The following PRSS2 variants were observed in gnomAD, a reference collection of about 807,000 sequenced individuals.
PRSS2 encodes trypsin-2.
PRSS2 carries 19 observed loss-of-function variants against 19.2 expected under a neutral mutation model. That is an observed-to-expected ratio of 0.99 (90% CI 0.69 to 1.45). The LOEUF is 1.45. Among genes scored for constraint, PRSS2 ranks in the 40% most tolerant of loss-of-function variants. The pLI, the probability that PRSS2 is intolerant of heterozygous loss-of-function variation, is 0.00. For synonymous variants in PRSS2, 107 were observed against 117.5 expected (o/e 0.91, Z 0.58); for missense variants, 288 against 294.4 (o/e 0.98, Z 0.16).
chr7:142,773,665 G>C, intron 3 of PRSS2, 146 bp downstream of exon 3: 1 of 1,200,228 alleles, frequency 8.3e-7, no homozygotes, highest in Non-Finnish European at 1.2e-6. Context: ...GGGCACCAGA[G>C]AGATGCAAAT....
chr7:142,772,163 T>G lies in PRSS2; in HGVS notation c.155T>G (p.Leu52Arg). 1 of 1,613,770 alleles carries G rather than the reference T, an allele frequency of 6.2e-7. No individual in the cohort carries two copies. The highest frequency in any genetic ancestry group is 8.5e-7 in the Non-Finnish European group (1 of 1,179,710). Reference sequence around the variant, plus strand: ...GGCTACCACTTCTGCGGTGGCTCCCTCATCAGCGAACAGTGGGTGGTGTCA... The same window carrying G: ...GGCTACCACTTCTGCGGTGGCTCCCGCATCAGCGAACAGTGGGTGGTGTCA... ...NSGYHFCGGS[L>R]ISEQWVVSAG... The change falls in exon 2 of 5, where the codon CTC becomes CGC. Residue 52 changes from leucine (L) to arginine (R), a missense_variant. Leu to Arg is a moderately radical substitution (Grantham distance 102, BLOSUM62 -2). Transcript: ENST00000539842.
intron 1 of PRSS2, among the ~76,000 whole-genome samples, chr7:142,771,238 G>A (rs1479149429): frequency 2.0e-5 from 3 of 152,072 alleles, no homozygotes; most frequent in East Asian, 1.9e-4. Flanking sequence ...ATCCATATCC[G>A]AGCTGTGGTT....
chr7:142,773,770 G>A (rs1800184964), intron 3 of PRSS2, 149 bp from the exon 4 acceptor site: 19 of 1,266,074 alleles, frequency 1.5e-5, no homozygotes, highest in Non-Finnish European at 2.1e-5. Context: ...ATCATTCTGG[G>A]AACTAAAAGC....
chr7:142,773,467 T>C lies in PRSS2; in HGVS notation c.402T>C (p.Ala134=), dbSNP rs1406285960. Residue 134 remains alanine (A), a synonymous_variant, in exon 3 of 5, where the codon GCT becomes GCC. Coordinates refer to ENST00000539842, the MANE Select transcript of PRSS2 (RefSeq NM_002770.4). ...TCTCTCTGCCCACTGCCCCTCCAGC[T>C]GCTGGCACCGAGTCCCTCATCTCCG... ...SAISLPTAPP[A]AGTESLISGW... 5 of 1,599,798 alleles carry C rather than the reference T, an allele frequency of 3.1e-6. No homozygotes were observed. The highest frequency in any genetic ancestry group is 3.4e-6 in the Non-Finnish European group (4 of 1,167,308).
chr7:142,772,055 C>A lies in PRSS2; in HGVS notation c.47C>A (p.Ala16Asp). 1.9e-6 allele frequency: 3 copies of A among 1,582,126 alleles called. No individual in the cohort carries two copies. Among genetic ancestry groups the A allele is most frequent in the Non-Finnish European group, 2.6e-6 (3 of 1,159,686 alleles). Reference protein sequence around the residue: ...ILTFVAAAVAAPFDDDDKIVG... With the variant: ...ILTFVAAAVADPFDDDDKIVG... Reference sequence around the variant, plus strand: ...CTTCCCATCTCCACTCCAGTTGCTGCCCCCTTTGATGATGATGACAAGATC... The same window carrying A: ...CTTCCCATCTCCACTCCAGTTGCTGACCCCTTTGATGATGATGACAAGATC... The change falls in exon 2 of 5, where the codon GCC becomes GAC. Residue 16 changes from alanine to aspartate, a missense_variant. By Grantham distance (126) the Ala-to-Asp change is moderately radical (BLOSUM62 -2). Coordinates refer to ENST00000539842, the MANE Select transcript of PRSS2 (RefSeq NM_002770.4).
intron 4 of PRSS2, 103 bp downstream of exon 4, chr7:142,774,158 C>A (rs999917014): frequency 8.0e-6 from 11 of 1,368,606 alleles, no homozygotes; most frequent in South Asian, 2.4e-5. Context: ...AGGCTCCCTG[C>A]AGTGCCCCAT....
intron 3 of PRSS2, 41 bp downstream of exon 3, chr7:142,773,560 CA>C: frequency 6.6e-7 from 1 of 1,518,098 alleles, no homozygotes; most frequent in Admixed American, 1.7e-5. Flanking sequence ...CTCCATCCCA[CA>C]ATTTCCAGAA....
chr7:142,773,531 C>G lies in PRSS2; in HGVS notation c.454+12C>G, dbSNP rs768969587. 1 of 1,561,716 alleles carries G rather than the reference C, an allele frequency of 6.4e-7. No homozygotes were observed. Among genetic ancestry groups the G allele is most frequent in the Non-Finnish European group, 8.8e-7 (1 of 1,133,054 alleles). On this transcript the variant is annotated intron_variant, in intron 3 of 4. Coordinates refer to ENST00000539842, the MANE Select transcript of PRSS2 (RefSeq NM_002770.4). ...TCTGAGTTCTGGTGGTGAGTGGGAC[C>G]CTTTGTCCTTCTACTTCCCTCCATC... is the stretch of plus-strand genomic sequence containing the variant.
In PRSS2 at chr7:142,774,353, C is replaced by CCA. The variant is rs763650727; in HGVS notation, c.592-3_592-2insCA. On this transcript the variant is annotated splice_region_variant and splice_polypyrimidine_tract_variant and intron_variant, in intron 4 of 4. Transcript: ENST00000539842. ...CATACAACTTGTCCCTTCTTCCCCC[C>CCA]AGGGTGATTCTGGTGGCCCTGTGGT... The CCA allele has an allele frequency of 8.1e-7, 1 of 1,227,736 alleles. No homozygotes were observed. Among genetic ancestry groups the CCA allele is most frequent in the Non-Finnish European group, 1.2e-6 (1 of 825,954 alleles). The allele number at this position is 1,227,736 out of a possible 1,614,324, so 76.1% of individuals were successfully genotyped here. A position where few individuals can be genotyped will look rare whatever the true frequency, so the allele number is the denominator to read the frequency against.
rs1419364758 is a variant in PRSS2, at chr7:142,772,085, G to C, written c.77G>C (p.Gly26Ala). 6.2e-7 allele frequency: 1 copy of C among 1,613,678 alleles called. No homozygotes were observed. The highest frequency in any genetic ancestry group is 1.1e-5 in the South Asian group (1 of 91,062). ...TTTGATGATGATGACAAGATCGTTG[G>C]GGGCTACATCTGTGAGGAGAATTCT... Reference protein sequence around the residue: ...APFDDDDKIVGGYICEENSVP... With the variant: ...APFDDDDKIVAGYICEENSVP... The change falls in exon 2 of 5, where the codon GGG becomes GCG. Residue 26 changes from glycine (G) to alanine (A), a missense_variant. Physicochemically the swap from Gly to Ala is moderately conservative, Grantham distance 60. Transcript: ENST00000539842.
At chr7:142,774,157 G>A (rs1180641139) in intron 4 of PRSS2, 102 bp downstream of exon 4, 3 of 1,372,970 alleles carry the variant, frequency 2.2e-6, no homozygotes, top group Non-Finnish European at 3.1e-6. Flanking sequence ...GAGGCTCCCT[G>A]CAGTGCCCCA....
intron 4 of PRSS2, 119 bp downstream of exon 4, chr7:142,774,174 A>C: frequency 7.7e-7 from 1 of 1,290,948 alleles, no homozygotes; most frequent in Non-Finnish European, 1.1e-6. Flanking sequence ...CCCATGGAGA[A>C]GTGAGGAAGA....
intron 3 of PRSS2, 134 bp downstream of exon 3, chr7:142,773,653 C>T (rs934563080): frequency 2.1e-5 from 26 of 1,248,604 alleles, no homozygotes; most frequent in Non-Finnish European, 2.9e-5. Flanking sequence ...AGGCTCTGCA[C>T]TGGGCACCAG....
chr7:142,771,830 G>C (rs989238711), intron 1 of PRSS2, among the ~76,000 whole-genome samples: 1 of 152,256 alleles, frequency 6.6e-6, no homozygotes, highest in African/African-American at 2.4e-5. Context: ...CCCCAGGAGA[G>C]ATCTGAACCC....
intron 2 of PRSS2, chr7:142,772,629 GT>G: frequency 1.5e-6 from 1 of 660,496 alleles, no homozygotes; most frequent in Non-Finnish European, 2.7e-6. Flanking sequence ...TCTACCTCTG[GT>G]AACTGTAGAG....
Position 142,773,285 on chromosome 7 carries a change from G to C in PRSS2, c.220G>C (p.Gly74Arg), listed in dbSNP as rs1554506535. The C allele has an allele frequency of 1.2e-6, 2 of 1,614,104 alleles. No homozygotes were observed. The highest frequency in any genetic ancestry group is 2.7e-5 in the African/African-American group (2 of 74,956). Residue 74 changes from glycine (G) to arginine (R), a missense_variant, in exon 3 of 5, where the codon GGA (glycine) becomes CGA (arginine). Physicochemically the swap from Gly to Arg is moderately radical, Grantham distance 125 (BLOSUM62 -2). Coordinates refer to ENST00000539842, the MANE Select transcript of PRSS2 (RefSeq NM_002770.4). ...CATCAGCCGCATCCAGGTGAGACTG[G>C]GAGAGCACAACATCGAAGTCCTGGA... ...CYKSRIQVRLGEHNIEVLEGN... is the reference protein window; with the variant it reads ...CYKSRIQVRLREHNIEVLEGN...
At position 142,773,317 on chromosome 7, in the gene PRSS2, T is replaced by A. The variant is rs1053101948; in HGVS notation, c.252T>A (p.Asn84Lys). The A allele has an allele frequency of 2.2e-4, 361 of 1,614,100 alleles. No individual in the cohort carries two copies. Among genetic ancestry groups the A allele is most frequent in the Middle Eastern group, 4.9e-4 (3 of 6,084 alleles). Residue 84 changes from asparagine to lysine, a missense_variant, in exon 3 of 5, where the codon AAT becomes AAA. Coordinates refer to ENST00000539842, the MANE Select transcript of PRSS2 (RefSeq NM_002770.4). ...GEHNIEVLEGNEQFINAAKII... is the reference protein window; with the variant it reads ...GEHNIEVLEGKEQFINAAKII... ...ACAACATCGAAGTCCTGGAGGGGAATGAACAGTTCATCAATGCGGCCAAGA... is the reference window on the plus strand; with the variant it reads ...ACAACATCGAAGTCCTGGAGGGGAAAGAACAGTTCATCAATGCGGCCAAGA...
intron 2 of PRSS2, 25 bp from the exon 3 acceptor site, chr7:142,773,241 T>G: frequency 6.2e-7 from 1 of 1,614,238 alleles, no homozygotes; most frequent in Non-Finnish European, 8.5e-7. Context: ...GAGAAGGTCT[T>G]CACCATGCCT....
rs1458622070 is a variant in PRSS2, at chr7:142,774,527, A to T, written c.*19A>T. 2.5e-6 allele frequency: 4 copies of T among 1,603,238 alleles called. No homozygotes were observed. The highest frequency in any genetic ancestry group is 1.7e-5 in the Admixed American group (1 of 59,980). The stretch of plus-strand genomic sequence containing the variant: ...CAGCTAAAGCCCCTGGTCCCTCTGC[A>T]GTCTCTATACCAATAAAGTGACCCT... On this transcript the variant is annotated 3_prime_UTR_variant, in exon 5 of 5. Transcript: ENST00000539842.
Sources: allele counts gnomAD v4.1 joint callset (sites outside exome capture counted in the v4.1 genomes callset), GRCh38; gene constraint gnomAD v4.1.1; transcripts MANE v1.5; gene names NCBI Gene and HGNC (gene_info 2026-07-23, HGNC 2026-07-21).